Variants in PCDH11X observed in about 807,000 individuals in gnomAD.
PCDH11X encodes protocadherin-11 X-linked.
A neutral mutation model predicts 53.3 loss-of-function variants in PCDH11X; 18 were observed. The observed-to-expected ratio is 0.34, with a 90% CI of 0.23 to 0.50. PCDH11X has a LOEUF of 0.50. Ranked by LOEUF, PCDH11X falls within the 20% of genes least tolerant of loss-of-function variation. PCDH11X has a pLI of 0.98. For missense variants in PCDH11X, 570 were observed against 1,032.4 expected (o/e 0.55, Z 6.14); for synonymous variants, 279 against 393.3 (o/e 0.71, Z 3.44).
intron 6 of PCDH11X, among the ~76,000 whole-genome samples, chrX:92,127,293 C>T (rs35180018): frequency 0.072 from 7,700 of 107,204 alleles, 464 homozygotes; most frequent in East Asian, 0.43. Flanking sequence ...ATAATGAGTG[C>T]TTTCCGTACC....
intron 9 of PCDH11X, among the ~76,000 whole-genome samples, chrX:92,411,729 G>A (rs901441028): frequency 3.8e-5 from 4 of 106,620 alleles, no homozygotes; most frequent in African/African-American, 1.4e-4. Flanking sequence ...AAATAGTGTT[G>A]CACTTTTTTT....
chrX:92,477,856 T>A (rs1175832154), intron 10 of PCDH11X, among the ~76,000 whole-genome samples: 2 of 105,012 alleles, frequency 1.9e-5, no homozygotes, highest in African/African-American at 3.5e-5. Context: ...TTGTGTTTAT[T>A]TGGAACTTTT....
At chrX:92,159,579 A>G (rs1361003013) in intron 6 of PCDH11X, among the ~76,000 whole-genome samples, 1 of 105,077 alleles carries the variant, frequency 9.5e-6, no homozygotes, top group Non-Finnish European at 2.0e-5. Context: ...AGAACAAATG[A>G]AAAGGTAATT....
At chrX:92,049,468 T>G (rs2063337057) in intron 6 of PCDH11X, among the ~76,000 whole-genome samples, 1 of 110,180 alleles carries the variant, frequency 9.1e-6, no homozygotes, top group Non-Finnish European at 1.9e-5. Context: ...AAACCAGAGC[T>G]TAGTCCTCAC....
At chrX:92,461,486 G>A (rs2073042885) in intron 9 of PCDH11X, among the ~76,000 whole-genome samples, 1 of 111,634 alleles carries the variant, frequency 9.0e-6, no homozygotes, top group African/African-American at 3.3e-5. Flanking sequence ...AAATGGTTCT[G>A]GGAAAACTGG....
At chrX:91,886,679 T>TA (rs1396961888) in intron 6 of PCDH11X, among the ~76,000 whole-genome samples, 1 of 108,735 alleles carries the variant, frequency 9.2e-6, no homozygotes, top group Non-Finnish European at 1.9e-5. Context: ...AATAAAAATA[T>TA]GTATATACTT....
intron 6 of PCDH11X, among the ~76,000 whole-genome samples, chrX:91,924,281 G>A (rs35685634): frequency 2.7e-5 from 3 of 110,626 alleles, no homozygotes; most frequent in African/African-American, 6.6e-5. Flanking sequence ...GTGATGGGAC[G>A]TTAGAAGAAC....
chrX:91,813,141 C>G lies in PCDH11X; in HGVS notation c.-45+1846C>G, dbSNP rs374036307. On this transcript the variant is annotated intron_variant, in intron 4 of 10. Transcript: ENST00000682573. ...AACAAGACATTCAGCCCATTCAGTT[C>G]AAAACAATATTCTGTGTACTTTTTA... Among the ~76,000 whole-genome samples, 78 of 111,013 alleles carry G rather than the reference C, an allele frequency of 7.0e-4. No homozygotes were observed. The East Asian group carries it at 0.011, about 16-fold the overall frequency.
intron 6 of PCDH11X, among the ~76,000 whole-genome samples, chrX:91,941,032 T>C (rs988476787): frequency 2.7e-5 from 3 of 110,910 alleles, no homozygotes; most frequent in Non-Finnish European, 5.7e-5. Flanking sequence ...AATAACTTAA[T>C]TGTGCATTTT....
intron 7 of PCDH11X, among the ~76,000 whole-genome samples, chrX:92,214,314 C>T (rs1603190571): frequency 9.0e-6 from 1 of 111,704 alleles, no homozygotes; most frequent in East Asian, 2.8e-4. Flanking sequence ...AAGTCCTGAT[C>T]TGGAGGGAAA....
intron 10 of PCDH11X, among the ~76,000 whole-genome samples, chrX:92,563,890 G>A (rs12010119): frequency 0.31 from 34,227 of 109,380 alleles, 4,109 homozygotes; most frequent in Non-Finnish European, 0.37. Context: ...ATGAAAACGA[G>A]GAAACTACTA....
At chrX:92,127,812 C>T (rs12557488) in intron 6 of PCDH11X, among the ~76,000 whole-genome samples, 8,150 of 110,989 alleles carry the variant, frequency 0.073, 473 homozygotes, top group East Asian at 0.44. Context: ...TAAGCCACCA[C>T]ACCCAGCCTT....
intron 10 of PCDH11X, among the ~76,000 whole-genome samples, chrX:92,510,081 A>AG: frequency 9.7e-6 from 1 of 103,626 alleles, no homozygotes; most frequent in East Asian, 3.1e-4. Context: ...TTGTGTGAAA[A>AG]CAAACCTGCA....
intron 10 of PCDH11X, among the ~76,000 whole-genome samples, chrX:92,533,876 A>C (rs781675440): frequency 3.7e-5 from 4 of 107,832 alleles, no homozygotes; most frequent in Admixed American, 2.0e-4. Flanking sequence ...AAGGACATCC[A>C]CACCAAAACC....
intron 8 of PCDH11X, among the ~76,000 whole-genome samples, chrX:92,352,352 A>G (rs1342973209): frequency 8.9e-6 from 1 of 111,825 alleles, no homozygotes; most frequent in East Asian, 2.8e-4. Flanking sequence ...CTTTTTATTT[A>G]TGCTATCTAT....
At chrX:92,104,951 G>T (rs1411100730) in intron 6 of PCDH11X, among the ~76,000 whole-genome samples, 13 of 110,367 alleles carry the variant, frequency 1.2e-4, no homozygotes, top group African/African-American at 4.3e-4. Context: ...AGGGGTTGAG[G>T]GGTACTTGCC....
chrX:92,317,610 C>A (rs5942205), intron 8 of PCDH11X, among the ~76,000 whole-genome samples: 46,576 of 109,647 alleles, frequency 0.42, 7,485 homozygotes, highest in East Asian at 0.76. Context: ...AAATCTATAG[C>A]ATATTTTGAA....
rs1196039315 is a variant in PCDH11X at position 92,588,358 on chromosome X, T to TTG, written c.3368-29892_3368-29891dup. Among the ~76,000 whole-genome samples the TTG allele has an allele frequency of 4.2e-3, 328 of 77,778 alleles. 1 individual carries two copies. The highest frequency in any genetic ancestry group is 6.2e-3 in the Non-Finnish European group (280 of 44,985). 67.5% of individuals were successfully genotyped at this position (77,778 alleles called of 115,157 possible). On this transcript the variant is annotated intron_variant, in intron 10 of 10. Transcript: ENST00000682573. ...TAGTGGTTGGTGGATTTTCATATACTTGTGTGTGTGTGTGTATATATATAT... is the reference window on the plus strand; with the variant it reads ...TAGTGGTTGGTGGATTTTCATATACTTGTGTGTGTGTGTGTGTATATATATAT...
rs764244689 is a variant in PCDH11X, at chrX:91,850,597, A to G, written c.540+14553A>G. ...TTTATCATAGCAACTTATCAATGTTACAAAACGTTTTTGTGGGCATTATAG... is the reference window on the plus strand; with the variant it reads ...TTTATCATAGCAACTTATCAATGTTGCAAAACGTTTTTGTGGGCATTATAG... On this transcript the variant is annotated intron_variant, in intron 5 of 10. Transcript: ENST00000682573. 5.4e-5 allele frequency among the ~76,000 whole-genome samples: 6 copies of G among 112,105 alleles called. No individual in the cohort carries two copies. The East Asian group carries it at 1.7e-3, about 31-fold the overall frequency.
Sources: gnomAD v4.1 joint callset for allele counts (sites outside exome capture counted in the v4.1 genomes callset) on GRCh38, gnomAD v4.1.1 for gene constraint, MANE v1.5 for transcripts, NCBI Gene and HGNC (gene_info 2026-07-23, HGNC 2026-07-21) for gene names.